Variants in PDE4D observed in about 807,000 individuals in gnomAD.
The protein encoded by PDE4D is phosphodiesterase 4D.
PDE4D carries 24 observed loss-of-function variants against 87.4 expected under a neutral mutation model. That is an observed-to-expected ratio of 0.27 (90% CI 0.20 to 0.39). PDE4D has a LOEUF of 0.39. Ranked by LOEUF, PDE4D falls within the 10% of genes least tolerant of loss-of-function variation. PDE4D has a pLI of 1.00. For synonymous variants in PDE4D, 384 were observed against 383.2 expected (o/e 1.00, Z -0.02); for missense variants, 714 against 1,041.0 (o/e 0.69, Z 4.32).
chr5:59,815,712 A>C (rs1353934288), intron 1 of PDE4D, among the ~76,000 whole-genome samples: 1 of 152,232 alleles, frequency 6.6e-6, no homozygotes, highest in Non-Finnish European at 1.5e-5. Flanking sequence ...TCAACAAAGC[A>C]TTTCACAAAT....
chr5:60,328,493 CTGT>C (rs775238047), intron 1 of PDE4D, among the ~76,000 whole-genome samples: 1 of 152,174 alleles, frequency 6.6e-6, no homozygotes, highest in Non-Finnish European at 1.5e-5. Flanking sequence ...AGTAAAACTA[CTGT>C]TTCATTTTCA....
At position 59,273,524 on chromosome 5, in the gene PDE4D, A is replaced by G. The variant is rs953497287; in HGVS notation, c.456-57556T>C. Among the ~76,000 whole-genome samples, 7 of 152,060 alleles carry G rather than the reference A, an allele frequency of 4.6e-5. No homozygotes were observed. In the East Asian group the frequency reaches 7.7e-4, roughly 17 times the overall value. Reference sequence around the variant, plus strand: ...ACAGCTGATTATACCCTCAGGCCAAATTTTTTGGCAGCTGCAGTGATATAC... The same window carrying G: ...ACAGCTGATTATACCCTCAGGCCAAGTTTTTTGGCAGCTGCAGTGATATAC... On this transcript the variant is annotated intron_variant, in intron 1 of 14. Transcript: ENST00000340635.
intron 1 of PDE4D, among the ~76,000 whole-genome samples, chr5:59,530,034 A>C (rs1813913395): frequency 6.6e-6 from 1 of 152,326 alleles, no homozygotes; most frequent in Non-Finnish European, 1.5e-5. Flanking sequence ...CCACTAGGTC[A>C]GGGTGGGGTC....
At chr5:59,996,397 A>G (rs1763531074) in intron 2 of PDE4D, among the ~76,000 whole-genome samples, 1 of 152,214 alleles carries the variant, frequency 6.6e-6, no homozygotes. Flanking sequence ...TAGTATAAAC[A>G]AGATAATGTT....
intron 2 of PDE4D, among the ~76,000 whole-genome samples, chr5:60,014,604 G>A (rs1765344446): frequency 6.6e-6 from 1 of 152,168 alleles, no homozygotes; most frequent in African/African-American, 2.4e-5. Context: ...TACTGCACAG[G>A]ATTCTGACTC....
At chr5:60,277,800 A>AT (rs1751523961) in intron 1 of PDE4D, among the ~76,000 whole-genome samples, 2 of 152,216 alleles carry the variant, frequency 1.3e-5, no homozygotes, top group Middle Eastern at 3.4e-3. Context: ...ATCAAAGTCT[A>AT]TTGGTTTTGT....
chr5:59,083,143 T>C (rs185806992), intron 5 of PDE4D, among the ~76,000 whole-genome samples: 5 of 152,282 alleles, frequency 3.3e-5, no homozygotes, highest in African/African-American at 1.2e-4. Flanking sequence ...ACTATCAATT[T>C]TGGGTTCTAG....
At chr5:59,039,433 C>A (rs1332136440) in intron 5 of PDE4D, 2 of 992,900 alleles carry the variant, frequency 2.0e-6, no homozygotes, top group Non-Finnish European at 2.4e-6. Flanking sequence ...GCCGCGGCCC[C>A]ACGCCCGCCC....
intron 1 of PDE4D, among the ~76,000 whole-genome samples, chr5:59,711,201 T>TAC (rs1158248806): frequency 6.6e-6 from 1 of 152,158 alleles, no homozygotes; most frequent in Non-Finnish European, 1.5e-5. Flanking sequence ...TTCTTATCAC[T>TAC]ACATTGGGAA....
intron 2 of PDE4D, among the ~76,000 whole-genome samples, chr5:60,081,089 C>A (rs994017997): frequency 1.3e-5 from 2 of 151,740 alleles, no homozygotes; most frequent in African/African-American, 4.8e-5. Context: ...AATTTGACTT[C>A]TTCCTGGTTT....
rs116530637 is a variant in PDE4D at position 59,984,766 on chromosome 5, G to A, written c.272+3722C>T. Reference sequence around the variant, plus strand: ...GGCCATACTGTGGCTTTCTAAAGGGGTGGTACAAGTCTCTAGACCCACTGC... The same window carrying A: ...GGCCATACTGTGGCTTTCTAAAGGGATGGTACAAGTCTCTAGACCCACTGC... On this transcript the variant is annotated intron_variant, in intron 3 of 16. Transcript: ENST00000502484. 1.4e-3 allele frequency among the ~76,000 whole-genome samples: 208 copies of A among 152,200 alleles called. 1 individual carries two copies. Among genetic ancestry groups the A allele is most frequent in the Non-Finnish European group, 2.3e-3 (155 of 68,024 alleles).
intron 1 of PDE4D, among the ~76,000 whole-genome samples, chr5:59,500,038 C>T (rs1307420173): frequency 1.3e-5 from 2 of 152,038 alleles, no homozygotes; most frequent in Admixed American, 1.3e-4. Flanking sequence ...TAGCAAACCA[C>T]ACTCAACCAA....
chr5:59,680,452 T>A (rs533862549), intron 1 of PDE4D, among the ~76,000 whole-genome samples: 263 of 152,244 alleles, frequency 1.7e-3, no homozygotes, highest in African/African-American at 6.2e-3. Context: ...AGTTGATATT[T>A]TAAACATAGA....
chr5:59,177,372 C>G (rs2153476371), intron 5 of PDE4D, among the ~76,000 whole-genome samples: 1 of 152,230 alleles, frequency 6.6e-6, no homozygotes, highest in Non-Finnish European at 1.5e-5. Context: ...ATGAAGAAAC[C>G]CCTAGTTCTA....
chr5:59,132,887 G>A (rs1175316450), intron 5 of PDE4D, among the ~76,000 whole-genome samples: 1 of 152,144 alleles, frequency 6.6e-6, no homozygotes, highest in Non-Finnish European at 1.5e-5. Context: ...ACGGTAACAA[G>A]TCAACACTGT....
At chr5:60,367,424 G>A (rs7709678) in intron 1 of PDE4D, among the ~76,000 whole-genome samples, 15,009 of 147,478 alleles carry the variant, frequency 0.1, 894 homozygotes, top group African/African-American at 0.17. Context: ...GCACTCCAGC[G>A]TGGACAACAA....
intron 1 of PDE4D, among the ~76,000 whole-genome samples, chr5:59,216,260 G>T (rs1020126409): frequency 6.6e-6 from 1 of 152,106 alleles, no homozygotes; most frequent in Non-Finnish European, 1.5e-5. Flanking sequence ...AATCTTCTAA[G>T]TACAAAATTC....
At chr5:59,158,182 T>C (rs1780522955) in intron 5 of PDE4D, among the ~76,000 whole-genome samples, 1 of 152,212 alleles carries the variant, frequency 6.6e-6, no homozygotes. Flanking sequence ...ATGAAGACGA[T>C]TGCCTTCTGA....
intron 1 of PDE4D, among the ~76,000 whole-genome samples, chr5:59,249,959 T>C (rs1203387459): frequency 1.3e-5 from 2 of 152,072 alleles, no homozygotes; most frequent in Non-Finnish European, 2.9e-5. Context: ...TCCTCCCACC[T>C]CAGCCTCTTG....
Sources: allele counts gnomAD v4.1 joint callset (sites outside exome capture counted in the v4.1 genomes callset), GRCh38; gene constraint gnomAD v4.1.1; transcripts MANE v1.5; gene names NCBI Gene and HGNC (gene_info 2026-07-23, HGNC 2026-07-21).